The following TMEM132C variants were observed in gnomAD, a reference collection of about 807,000 sequenced individuals.
TMEM132C encodes the protein transmembrane protein 132C.
Under a neutral mutation model 61.4 loss-of-function variants are expected in TMEM132C, and 29 were observed. That is an observed-to-expected ratio of 0.47 (90% CI 0.35 to 0.64). The LOEUF is 0.64. Ranked by LOEUF, TMEM132C falls within the 30% of genes least tolerant of loss-of-function variation. TMEM132C has a pLI of 0.00. For missense variants in TMEM132C, 1,408 were observed against 1,476.9 expected (o/e 0.95, Z 0.76); for synonymous variants, 656 against 633.1 (o/e 1.04, Z -0.54).
chr12:128,403,718 C>CA (rs1340542441), intron 1 of TMEM132C, among the ~76,000 whole-genome samples: 123 of 75,506 alleles, frequency 1.6e-3, no homozygotes, highest in African/African-American at 3.1e-3. Flanking sequence ...AAAAACAAAA[C>CA]AAAACAAAAT....
chr12:128,350,982 C>T (rs1341918504), intron 1 of TMEM132C, among the ~76,000 whole-genome samples: 2 of 151,908 alleles, frequency 1.3e-5, no homozygotes, highest in African/African-American at 4.8e-5. Context: ...ATGAGGTGGC[C>T]CTGGGAGTAG....
At chr12:128,702,349 T>G (rs1200314557) in intron 8 of TMEM132C, among the ~76,000 whole-genome samples, 1 of 152,078 alleles carries the variant, frequency 6.6e-6, no homozygotes, top group African/African-American at 2.4e-5. Flanking sequence ...ATTATGAAAT[T>G]TATTTATTAT....
intron 1 of TMEM132C, among the ~76,000 whole-genome samples, chr12:128,308,885 CT>C (rs1405394689): frequency 6.6e-6 from 1 of 152,170 alleles, no homozygotes; most frequent in Admixed American, 6.5e-5. Context: ...CAGTTACCTT[CT>C]CTCCCTTGGT....
intron 2 of TMEM132C, among the ~76,000 whole-genome samples, chr12:128,418,486 C>A (rs561875779): frequency 6.6e-6 from 1 of 152,174 alleles, no homozygotes; most frequent in Admixed American, 6.5e-5. Context: ...TTTCTCTCCC[C>A]CTCTGTCCAA....
chr12:128,279,025 T>A (rs1207105481), intron 1 of TMEM132C, among the ~76,000 whole-genome samples: 1 of 152,136 alleles, frequency 6.6e-6, no homozygotes, highest in Non-Finnish European at 1.5e-5. Flanking sequence ...ACTCCATAAT[T>A]GCATGAGCCA....
intron 1 of TMEM132C, among the ~76,000 whole-genome samples, chr12:128,403,560 A>G (rs1477755212): frequency 6.6e-6 from 1 of 152,146 alleles, no homozygotes; most frequent in African/African-American, 2.4e-5. Context: ...AAATAATGGT[A>G]ATGATTATGA....
chr12:128,314,800 T>C (rs1872091797), intron 1 of TMEM132C, among the ~76,000 whole-genome samples: 1 of 152,114 alleles, frequency 6.6e-6, no homozygotes, highest in South Asian at 2.1e-4. Flanking sequence ...CACCCTGATT[T>C]TGGACTTCTG....
At chr12:128,375,057 T>A (rs1874152148) in intron 1 of TMEM132C, among the ~76,000 whole-genome samples, 1 of 151,802 alleles carries the variant, frequency 6.6e-6, no homozygotes, top group Non-Finnish European at 1.5e-5. Context: ...GGGGGTATCC[T>A]GTGTACTATG....
intron 2 of TMEM132C, among the ~76,000 whole-genome samples, chr12:128,519,588 C>G (rs1220322878): frequency 6.6e-6 from 1 of 152,326 alleles, no homozygotes; most frequent in Non-Finnish European, 1.5e-5. Flanking sequence ...TACAGCCCCA[C>G]GGACTAAGCC....
intron 3 of TMEM132C, among the ~76,000 whole-genome samples, chr12:128,583,767 A>G (rs1451540686): frequency 2.6e-5 from 4 of 152,184 alleles, no homozygotes; most frequent in Admixed American, 2.0e-4. Context: ...CCCAACCACA[A>G]GTTACACCAG....
intron 3 of TMEM132C, among the ~76,000 whole-genome samples, chr12:128,605,005 C>A (rs1876368250): frequency 8.1e-6 from 1 of 122,924 alleles, no homozygotes; most frequent in African/African-American, 3.2e-5. Context: ...GATAAATGGA[C>A]ACATAGATAA....
chr12:128,411,070 C>T (rs774272243), intron 1 of TMEM132C, among the ~76,000 whole-genome samples: 8 of 152,028 alleles, frequency 5.3e-5, no homozygotes, highest in East Asian at 3.9e-4. Context: ...ACTAGGGAAC[C>T]GATATTGTCT....
At chr12:128,468,372 C>T (rs1226473015) in intron 2 of TMEM132C, among the ~76,000 whole-genome samples, 1 of 151,976 alleles carries the variant, frequency 6.6e-6, no homozygotes, top group African/African-American at 2.4e-5. Flanking sequence ...GGCTGGAGTG[C>T]AATGGCACGA....
At chr12:128,698,942 G>T (rs1391944303) in intron 8 of TMEM132C, among the ~76,000 whole-genome samples, 1 of 152,174 alleles carries the variant, frequency 6.6e-6, no homozygotes. Context: ...CAAAGCAGAG[G>T]CATGATGATG....
At chr12:128,420,206 AATAAT>A (rs1868941690) in intron 2 of TMEM132C, among the ~76,000 whole-genome samples, 1 of 152,126 alleles carries the variant, frequency 6.6e-6, no homozygotes, top group African/African-American at 2.4e-5. Context: ...CAAAAAATGA[AATAAT>A]ATAATTACCA....
intron 2 of TMEM132C, among the ~76,000 whole-genome samples, chr12:128,436,094 A>G (rs1869579560): frequency 1.3e-5 from 2 of 152,196 alleles, no homozygotes; most frequent in South Asian, 4.1e-4. Context: ...CTGGCTAGCC[A>G]TATGTAGAAA....
chr12:128,553,751 C>G (rs1001447908), intron 3 of TMEM132C, among the ~76,000 whole-genome samples: 3 of 152,188 alleles, frequency 2.0e-5, no homozygotes, highest in Non-Finnish European at 2.9e-5. Flanking sequence ...CGAGTTTCTG[C>G]CCTTCCTAAC....
intron 3 of TMEM132C, among the ~76,000 whole-genome samples, chr12:128,578,211 A>G (rs1260941604): frequency 2.6e-5 from 4 of 152,224 alleles, no homozygotes; most frequent in African/African-American, 9.6e-5. Flanking sequence ...ATGCCCCAAG[A>G]GAGCTTTCAT....
rs1874836603 is a variant in TMEM132C, at chr12:128,570,404, G to C, written c.1121+26301G>C. ...TTGACATGCACGTCAGAGAAAAACT[G>C]CTCTGATGAATGGGTCTTGGGTTAG... On this transcript the variant is annotated intron_variant, in intron 3 of 8. Coordinates refer to ENST00000435159, the MANE Select transcript of TMEM132C (RefSeq NM_001136103.3). The surrounding 1 kb of genome is among the most constrained non-coding windows in gnomAD (Gnocchi z 4.7). 6.6e-6 allele frequency among the ~76,000 whole-genome samples: 1 copy of C among 152,216 alleles called. No homozygotes were observed. The highest frequency in any genetic ancestry group is 2.1e-4 in the South Asian group (1 of 4,832).
Sources: allele counts gnomAD v4.1 joint callset (sites outside exome capture counted in the v4.1 genomes callset), GRCh38; gene constraint gnomAD v4.1.1; non-coding constraint Gnocchi (gnomAD v3.1); transcripts MANE v1.5; gene names NCBI Gene and HGNC (gene_info 2026-07-23, HGNC 2026-07-21).